The following CNTN1 variants were observed in gnomAD, a reference collection of about 807,000 sequenced individuals.
CNTN1 encodes contactin 1, also known as contactin-1.
CNTN1 carries 38 observed loss-of-function variants against 126.4 expected under a neutral mutation model. The observed-to-expected ratio is 0.30, with a 90% CI of 0.23 to 0.39. CNTN1 has a LOEUF of 0.39. Ranked by LOEUF, CNTN1 falls within the 10% of genes least tolerant of loss-of-function variation. CNTN1 has a pLI of 1.00. For synonymous variants in CNTN1, 413 were observed against 422.6 expected, an observed-to-expected ratio of 0.98 and a Z score of 0.28; for missense variants, 1,009 against 1,248.4, an observed-to-expected ratio of 0.81 and a Z score of 2.89.
chr12:40,868,159 T>C (rs1383370505), intron 1 of CNTN1, among the ~76,000 whole-genome samples: 7 of 152,114 alleles, frequency 4.6e-5, no homozygotes, highest in Non-Finnish European at 1.0e-4. Flanking sequence ...ATTTCTAATG[T>C]ATTTCCTTTC....
intron 1 of CNTN1, among the ~76,000 whole-genome samples, chr12:40,824,923 A>G (rs1393172492): frequency 1.3e-5 from 2 of 152,168 alleles, no homozygotes; most frequent in African/African-American, 4.8e-5. Flanking sequence ...ACATATAGAC[A>G]CAGTTCTATG....
At chr12:40,722,285 TA>T (rs1793186204) in intron 1 of CNTN1, among the ~76,000 whole-genome samples, 1 of 152,218 alleles carries the variant, frequency 6.6e-6, no homozygotes, top group Non-Finnish European at 1.5e-5. Context: ...ATTTGTATCT[TA>T]TCTATTCCAC....
At chr12:41,025,474 C>T in intron 21 of CNTN1, 138 bp downstream of exon 21, 2 of 801,620 alleles carry the variant, frequency 2.5e-6, no homozygotes, top group Non-Finnish European at 4.2e-6. Context: ...CACAAGATTT[C>T]CCTTAAAACG....
At chr12:40,836,958 C>T (rs772225621) in intron 1 of CNTN1, among the ~76,000 whole-genome samples, 24 of 152,112 alleles carry the variant, frequency 1.6e-4, no homozygotes, top group Non-Finnish European at 3.4e-4. Flanking sequence ...TCCATATCAC[C>T]ATAATTTTGC....
At position 40,869,706 on chromosome 12, in the gene CNTN1, G is replaced by A. The variant is rs559859627; in HGVS notation, c.-76-38651G>A. Among the ~76,000 whole-genome samples, 254 of 152,162 alleles carry A rather than the reference G, an allele frequency of 1.7e-3. 2 individuals carry two copies. In the Middle Eastern group the frequency reaches 0.027, roughly 16 times the overall value. On this transcript the variant is annotated intron_variant, in intron 1 of 23. Coordinates refer to ENST00000551295, the MANE Select transcript of CNTN1 (RefSeq NM_001843.4). The stretch of plus-strand genomic sequence containing the variant: ...TGCTAAACCTATTGCAAAATCTATA[G>A]TGGTTTTTCATATCATGTTGCTTTC...
At position 40,918,621 on chromosome 12, in the gene CNTN1, A is replaced by G; in HGVS notation, c.95-18A>G. 1 of 1,611,178 alleles carries G rather than the reference A, an allele frequency of 6.2e-7. No homozygotes were observed. Among genetic ancestry groups the G allele is most frequent in the Non-Finnish European group, 8.5e-7 (1 of 1,177,546 alleles). ...TTATAAAGCAGTACAATGTAAAACAATTTCATATTTCTTGTAGTTTCTGAG... is the reference window on the plus strand; with the variant it reads ...TTATAAAGCAGTACAATGTAAAACAGTTTCATATTTCTTGTAGTTTCTGAG... On this transcript the variant is annotated intron_variant, in intron 3 of 23. Transcript: ENST00000551295.
At chr12:40,830,902 C>A (rs1941800812) in intron 1 of CNTN1, among the ~76,000 whole-genome samples, 1 of 114,916 alleles carries the variant, frequency 8.7e-6, no homozygotes, top group Non-Finnish European at 1.8e-5. Flanking sequence ...TCTGTAACTA[C>A]CATAATCCTA....
chr12:40,970,797 AAC>A (rs1947481954), intron 15 of CNTN1, among the ~76,000 whole-genome samples: 1 of 152,148 alleles, frequency 6.6e-6, no homozygotes, highest in African/African-American at 2.4e-5. Context: ...TTGCCTACCT[AAC>A]CTATGGTCTT....
chr12:40,853,190 G>A (rs897131974), intron 1 of CNTN1, among the ~76,000 whole-genome samples: 3 of 151,954 alleles, frequency 2.0e-5, no homozygotes, highest in African/African-American at 7.3e-5. Context: ...GACAGGACCT[G>A]AGCAGAGTGA....
intron 23 of CNTN1, among the ~76,000 whole-genome samples, chr12:41,049,637 C>A (rs1020034602): frequency 3.3e-5 from 5 of 152,226 alleles, no homozygotes; most frequent in Admixed American, 2.6e-4. Context: ...ACCTACAATT[C>A]ATTCTTAATA....
At chr12:40,719,308 A>G (rs1302029253) in intron 1 of CNTN1, among the ~76,000 whole-genome samples, 2 of 152,206 alleles carry the variant, frequency 1.3e-5, no homozygotes, top group Non-Finnish European at 2.9e-5. Flanking sequence ...TTGATTTAAG[A>G]TTGAGGATAA....
At chr12:41,021,899 G>A (rs1336493426) in intron 20 of CNTN1, among the ~76,000 whole-genome samples, 2 of 152,026 alleles carry the variant, frequency 1.3e-5, no homozygotes, top group Non-Finnish European at 2.9e-5. Flanking sequence ...AGACATCAAT[G>A]TGTAGAGCTT....
intron 17 of CNTN1, among the ~76,000 whole-genome samples, chr12:41,012,854 C>T (rs1178147690): frequency 6.6e-6 from 1 of 152,132 alleles, no homozygotes; most frequent in Non-Finnish European, 1.5e-5. Context: ...ACGCTGGTAT[C>T]ATGGATGAGG....
chr12:40,859,261 C>T (rs1188447052), intron 1 of CNTN1, among the ~76,000 whole-genome samples: 1 of 152,000 alleles, frequency 6.6e-6, no homozygotes, highest in Non-Finnish European at 1.5e-5. Flanking sequence ...CTAATAGTTC[C>T]AGAAGGCGAG....
chr12:40,748,788 G>A (rs577157288), intron 1 of CNTN1, among the ~76,000 whole-genome samples: 1 of 152,096 alleles, frequency 6.6e-6, no homozygotes, highest in East Asian at 1.9e-4. Context: ...GACCTAATTG[G>A]AGATTACTAT....
intron 1 of CNTN1, among the ~76,000 whole-genome samples, chr12:40,707,288 G>T (rs184575515): frequency 5.1e-5 from 6 of 117,540 alleles, no homozygotes; most frequent in African/African-American, 2.1e-4. Flanking sequence ...TCGCTCCATC[G>T]CCCAGGCTGG....
intron 18 of CNTN1, among the ~76,000 whole-genome samples, chr12:41,015,488 G>A (rs73116990): frequency 0.029 from 4,472 of 152,138 alleles, 220 homozygotes; most frequent in African/African-American, 0.1. Flanking sequence ...CAAAAACTAA[G>A]TAGAGAACTA....
At chr12:40,863,141 A>G (rs1943173009) in intron 1 of CNTN1, among the ~76,000 whole-genome samples, 2 of 152,174 alleles carry the variant, frequency 1.3e-5, no homozygotes, top group South Asian at 2.1e-4. Flanking sequence ...ATTTAAAATG[A>G]TAATCTTAGA....
intron 23 of CNTN1, among the ~76,000 whole-genome samples, chr12:41,053,137 T>C (rs550433053): frequency 6.6e-6 from 1 of 151,492 alleles, no homozygotes; most frequent in South Asian, 2.1e-4. Flanking sequence ...GAAAAAATAA[T>C]GATGCCATCA....
Sources: allele counts gnomAD v4.1 joint callset (sites outside exome capture counted in the v4.1 genomes callset), GRCh38; gene constraint gnomAD v4.1.1; transcripts MANE v1.5; gene names NCBI Gene and HGNC (gene_info 2026-07-23, HGNC 2026-07-21).